The following DMTF1 variants were observed in gnomAD, a reference collection of about 807,000 sequenced individuals.
DMTF1 encodes the protein cyclin D binding myb like transcription factor 1, also known as cyclin-D-binding Myb-like transcription factor 1.
A neutral mutation model predicts 91.1 loss-of-function variants in DMTF1; 39 were observed. The observed-to-expected ratio is 0.43, with a 90% CI of 0.33 to 0.56. The LOEUF (loss-of-function observed/expected upper bound fraction) is 0.56. Ranked by LOEUF, DMTF1 falls within the 20% of genes least tolerant of loss-of-function variation. DMTF1 has a pLI of 0.05. For missense variants in DMTF1, 750 were observed against 914.5 expected (o/e 0.82, Z 2.32); for synonymous variants, 338 against 309.5 (o/e 1.09, Z -0.97).
intron 1 of DMTF1, chr7:87,163,237 A>C (rs1792971038): frequency 6.9e-6 from 1 of 143,926 alleles, no homozygotes. Context: ...TTTTTTTTTC[A>C]GAGAACGTTT....
At position 87,166,515 on chromosome 7, in the gene DMTF1, G is replaced by C. The variant is rs1269277176; in HGVS notation, c.142G>C (p.Glu48Gln). The C allele has an allele frequency of 2.5e-6, 4 of 1,613,164 alleles. No homozygotes were observed. The African/African-American group carries it at 5.3e-5, about 22-fold the overall frequency. ...ADEIDSEDSI[E>Q]PPHKRLCLSS... Reference sequence around the variant, plus strand: ...TGAAATAGACTCAGAAGATAGTATTGAACCTCCACATAAAAGGCTTTGTTT... The same window carrying C: ...TGAAATAGACTCAGAAGATAGTATTCAACCTCCACATAAAAGGCTTTGTTT... Residue 48 changes from glutamate to glutamine, a missense_variant, in exon 4 of 18, where the codon GAA (glutamate) becomes CAA (glutamine). Glu to Gln is a conservative substitution (Grantham distance 29, BLOSUM62 2). Around this residue, in one of 3 missense-constraint regions of DMTF1, gnomAD observed 150 missense variants for 150.4 expected, o/e 1.00. Transcript: ENST00000331242.
chr7:87,182,043 T>C, intron 9 of DMTF1, 185 bp from the exon 10 acceptor site: 3 of 1,531,888 alleles, frequency 2.0e-6, no homozygotes, highest in Non-Finnish European at 2.6e-6. Flanking sequence ...GCCTGTTTTT[T>C]TTTCACCCAC....
chr7:87,190,215 G>A (rs964287356), intron 13 of DMTF1, among the ~76,000 whole-genome samples: 16 of 152,048 alleles, frequency 1.1e-4, no homozygotes, highest in African/African-American at 3.6e-4. Flanking sequence ...GTCCCCAAAT[G>A]TGGTCTTCGG....
At chr7:87,193,460 C>A in intron 15 of DMTF1, 107 bp downstream of exon 15, 1 of 1,150,854 alleles carries the variant, frequency 8.7e-7, no homozygotes, top group Non-Finnish European at 1.3e-6. Context: ...CCTACTGCTG[C>A]TGTTCCAGGC....
intron 8 of DMTF1, among the ~76,000 whole-genome samples, chr7:87,180,826 AAAAAT>A (rs1797174818): frequency 6.6e-6 from 1 of 152,038 alleles, no homozygotes; most frequent in South Asian, 2.1e-4. Context: ...CTGTTTAAAA[AAAAAT>A]AAAAATAGAA....
chr7:87,178,767 T>C (rs1194624981), intron 7 of DMTF1, among the ~76,000 whole-genome samples: 1 of 128,946 alleles, frequency 7.8e-6, no homozygotes, highest in African/African-American at 2.5e-5. Flanking sequence ...CAAAGAAATG[T>C]ACCCACTTTT....
intron 7 of DMTF1, among the ~76,000 whole-genome samples, chr7:87,178,743 C>G (rs1485637149): frequency 6.6e-6 from 1 of 150,810 alleles, no homozygotes; most frequent in East Asian, 1.9e-4. Context: ...GTTATGCTAG[C>G]CTGATAAAAT....
intron 1 of DMTF1, among the ~76,000 whole-genome samples, chr7:87,155,796 G>T (rs1174892244): frequency 1.6e-5 from 2 of 122,288 alleles, no homozygotes; most frequent in Non-Finnish European, 3.2e-5. Flanking sequence ...CTGAGTACTA[G>T]AAATAAGTTG....
At chr7:87,174,739 T>A in intron 7 of DMTF1, 70 bp downstream of exon 7, 1 of 1,068,878 alleles carries the variant, frequency 9.4e-7, no homozygotes, top group Non-Finnish European at 1.4e-6. Flanking sequence ...CAACACAGAA[T>A]GTTGTGTGCA....
chr7:87,154,791 A>T lies in DMTF1; in HGVS notation c.-132+2236A>T, dbSNP rs144064557. On this transcript the variant is annotated intron_variant, in intron 1 of 17. Transcript: ENST00000331242. ...GATCTCTTTTTTCAATCCTTTAGTT[A>T]TCTCATTACACCCCAGGGGTGCTTT... 2.6e-5 allele frequency among the ~76,000 whole-genome samples: 4 copies of T among 152,140 alleles called. No homozygotes were observed. The East Asian group carries it at 7.7e-4, about 29-fold the overall frequency.
At chr7:87,185,556 C>G (rs556148719) in intron 11 of DMTF1, among the ~76,000 whole-genome samples, 4 of 152,288 alleles carry the variant, frequency 2.6e-5, no homozygotes, top group African/African-American at 9.6e-5. Flanking sequence ...TACTCCTTTT[C>G]CTTCACAGTG....
chr7:87,193,538 T>C (rs1239964343), intron 15 of DMTF1, 185 bp downstream of exon 15: 2 of 798,672 alleles, frequency 2.5e-6, no homozygotes, highest in Non-Finnish European at 3.9e-6. Flanking sequence ...TTATGTAAGA[T>C]GGCTATACAT....
intron 10 of DMTF1, 135 bp downstream of exon 10, chr7:87,182,472 C>CT: frequency 1.3e-6 from 1 of 770,056 alleles, no homozygotes; most frequent in East Asian, 2.7e-5. Context: ...TCTAGTCTTC[C>CT]TTTTCCTTGA....
Position 87,166,486 on chromosome 7 carries a change from C to T in DMTF1, c.113C>T (p.Ala38Val), listed in dbSNP as rs200030243. The change falls in exon 4 of 18, where the codon GCG (alanine) becomes GTG (valine). Residue 38 changes from alanine (A) to valine (V), a missense_variant. Ala to Val is a moderately conservative substitution (Grantham distance 64, BLOSUM62 0). Around this residue, in one of 3 missense-constraint regions of DMTF1, gnomAD observed 150 missense variants for 150.4 expected, o/e 1.00. Transcript: ENST00000331242. ...NLILHCPQNE[A>V]DEIDSEDSIE... Reference sequence around the variant, plus strand: ...TTTGTTTGTTTTCTTCCATTAGAAGCGGATGAAATAGACTCAGAAGATAGT... The same window carrying T: ...TTTGTTTGTTTTCTTCCATTAGAAGTGGATGAAATAGACTCAGAAGATAGT... 3.4e-4 allele frequency: 548 copies of T among 1,607,084 alleles called. 2 individuals are homozygous for T. Among genetic ancestry groups the T allele is most frequent in the Non-Finnish European group, 4.3e-4 (508 of 1,177,748 alleles).
At chr7:87,194,307 C>A in intron 16 of DMTF1, 1 of 555,398 alleles carries the variant, frequency 1.8e-6, no homozygotes, top group Non-Finnish European at 3.1e-6. Flanking sequence ...TATCTTACCA[C>A]AGTTCCTCAC....
Position 87,167,531 on chromosome 7 carries a change from A to C in DMTF1, c.232+926A>C, listed in dbSNP as rs191941048. On this transcript the variant is annotated intron_variant, in intron 4 of 17. Transcript: ENST00000331242. ...TACACTCAGCATCAGGCAAAATCAC[A>C]TCTTCATCTTTTGAAAAAGCAAGAC... is the stretch of plus-strand genomic sequence containing the variant. Among the ~76,000 whole-genome samples, 262 of 152,362 alleles carry C rather than the reference A, an allele frequency of 1.7e-3. 4 individuals carry two copies. The highest frequency in any genetic ancestry group is 5.6e-3 in the African/African-American group (232 of 41,586).
rs72252038 is a variant in DMTF1, at chr7:87,159,388, TTCATAAAG to T, written c.-131-4106_-131-4099del. On this transcript the variant is annotated intron_variant, in intron 1 of 17. Coordinates refer to ENST00000331242, the MANE Select transcript of DMTF1 (RefSeq NM_001142327.2). ...ACTGATGATAAAGCTGAATTCCTTG[TTCATAAAG>T]CTGTACACCAATAGAATTTTCACAT... Among the ~76,000 whole-genome samples, 1,039 of 110,828 alleles carry T rather than the reference TTCATAAAG, an allele frequency of 9.4e-3. 32 individuals carry two copies. The highest frequency in any genetic ancestry group is 0.091 in the East Asian group (416 of 4,552). The allele number at this position is 110,828 out of a possible 152,430, so 72.7% of individuals were successfully genotyped here.
At chr7:87,192,556 A>G (rs1000948173) in intron 14 of DMTF1, 1 of 152,170 alleles carries the variant, frequency 6.6e-6, no homozygotes, top group African/African-American at 2.4e-5. Flanking sequence ...TTTAACTCCC[A>G]GACCTATTTT....
Position 87,174,620 on chromosome 7 carries a change from C to T in DMTF1, c.470C>T (p.Ser157Phe), listed in dbSNP as rs769167320. 1 of 1,609,694 alleles carries T rather than the reference C, an allele frequency of 6.2e-7. No homozygotes were observed. The stretch of plus-strand genomic sequence containing the variant: ...CATAAATGGAAGCAGGGGATGTGGT[C>T]CAAGGAAGAAATTGATATTTTGATG... ...KGHKWKQGMW[S>F]KEEIDILMNN... Residue 157 changes from serine (S) to phenylalanine (F), a missense_variant, in exon 7 of 18, where the codon TCC (serine) becomes TTC (phenylalanine). Ser to Phe is a radical substitution (Grantham distance 155). This residue lies in a region of DMTF1 where 190 missense variants were observed against 343.8 expected (regional missense o/e 0.55). Transcript: ENST00000331242.
Sources: gnomAD v4.1 joint callset for allele counts (sites outside exome capture counted in the v4.1 genomes callset) on GRCh38, gnomAD v4.1.1 for gene constraint, gnomAD v4.1.1 regional missense constraint, MANE v1.5 for transcripts, NCBI Gene and HGNC (gene_info 2026-07-23, HGNC 2026-07-21) for gene names.